Variants in RNASET2 observed in about 807,000 individuals in gnomAD.
RNASET2 encodes the protein ribonuclease 6.
Under a neutral mutation model 33.9 loss-of-function variants are expected in RNASET2, and 28 were observed. That is an observed-to-expected ratio of 0.83 (90% CI 0.61 to 1.13). The LOEUF is 1.13. RNASET2 is among the 50% of genes most tolerant of loss of function. The pLI is 0.00. For synonymous variants in RNASET2, 123 were observed against 121.0 expected, an observed-to-expected ratio of 1.02 and a Z score of -0.11; for missense variants, 330 against 319.9, an observed-to-expected ratio of 1.03 and a Z score of -0.24.
chr6:166,922,918 T>C lies in RNASET2; in HGVS notation c.*6670A>G, dbSNP rs1778254624. Among the ~76,000 whole-genome samples the C allele has an allele frequency of 6.6e-6, 1 of 152,194 alleles. No individual in the cohort carries two copies. Among genetic ancestry groups the C allele is most frequent in the African/African-American group, 2.4e-5 (1 of 41,436 alleles). On this transcript the variant is annotated 3_prime_UTR_variant, in exon 9 of 9. Coordinates refer to ENST00000508775, the MANE Select transcript of RNASET2 (RefSeq NM_003730.6). ...CTTTGCTGGTAAAAATGGGCCACTG[T>C]CACTCTGCAGACTTTTCTCAGTGTT...
At chr6:166,950,031 G>C (rs1469169007) in intron 2 of RNASET2, among the ~76,000 whole-genome samples, 1 of 152,166 alleles carries the variant, frequency 6.6e-6, no homozygotes, top group Non-Finnish European at 1.5e-5. Context: ...TTTAAATCTT[G>C]TTTCTAAAGC....
At chr6:166,952,697 C>T (rs1049786574) in intron 1 of RNASET2, 149 bp from the exon 2 acceptor site, 14 of 694,840 alleles carry the variant, frequency 2.0e-5, no homozygotes, top group African/African-American at 8.8e-5. Flanking sequence ...CACACACTCC[C>T]GTGAGGAAGG....
At chr6:166,943,513 A>G in intron 4 of RNASET2, 1 of 331,976 alleles carries the variant, frequency 3.0e-6, no homozygotes, top group Non-Finnish European at 5.8e-6. Context: ...AAGAGACAGG[A>G]ATGAGATTCG....
rs1463405837 is a variant in RNASET2, at chr6:166,928,071, C to CA, written c.*1516dup. Reference sequence around the variant, plus strand: ...CTCAGCTCCTCCATTACAGAAGAGACAAAATACAGGGACTGCTTCCATCAA... The same window carrying CA: ...CTCAGCTCCTCCATTACAGAAGAGACAAAAATACAGGGACTGCTTCCATCAA... On this transcript the variant is annotated 3_prime_UTR_variant, in exon 9 of 9. Coordinates refer to ENST00000508775, the MANE Select transcript of RNASET2 (RefSeq NM_003730.6). 2.6e-5 allele frequency among the ~76,000 whole-genome samples: 4 copies of CA among 152,324 alleles called. No homozygotes were observed. Among genetic ancestry groups the CA allele is most frequent in the Admixed American group, 6.5e-5 (1 of 15,298 alleles).
chr6:166,949,329 T>C (rs1392218428), intron 2 of RNASET2, among the ~76,000 whole-genome samples: 10 of 150,156 alleles, frequency 6.7e-5, no homozygotes, highest in South Asian at 6.3e-4. Context: ...TGTGAAACCC[T>C]GTCTCTACTA....
rs1778265964 is a variant in RNASET2, at chr6:166,923,661, C to T, written c.*5927G>A. ...TCAGAAAAAAAATGACATAAAACTG[C>T]ATTTCTCATCATCTGTCAGAGATTT... On this transcript the variant is annotated 3_prime_UTR_variant, in exon 9 of 9. Coordinates refer to ENST00000508775, the MANE Select transcript of RNASET2 (RefSeq NM_003730.6). Among the ~76,000 whole-genome samples the T allele has an allele frequency of 6.6e-6, 1 of 152,068 alleles. No individual in the cohort carries two copies. The highest frequency in any genetic ancestry group is 2.4e-5 in the African/African-American group (1 of 41,382).
intron 5 of RNASET2, among the ~76,000 whole-genome samples, chr6:166,941,657 G>A (rs1778696092): frequency 6.6e-6 from 1 of 151,956 alleles, no homozygotes; most frequent in Admixed American, 6.6e-5. Flanking sequence ...CCAGAAAGGG[G>A]GACATCACTT....
At chr6:166,946,092 G>A (rs1037277987) in intron 4 of RNASET2, among the ~76,000 whole-genome samples, 4 of 152,166 alleles carry the variant, frequency 2.6e-5, no homozygotes, top group Admixed American at 6.5e-5. Context: ...TGAAGACTCC[G>A]TATGACATAT....
In RNASET2 at chr6:166,948,643, C is replaced by T; in HGVS notation, c.148-18G>A. ...TGAATTTTCTAGGGAGAAAATATAA[C>T]AAGAAAATGATTGGCTCTTTGTTTA... On this transcript the variant is annotated intron_variant, in intron 2 of 8. Transcript: ENST00000508775. 1 of 1,224,246 alleles carries T rather than the reference C, an allele frequency of 8.2e-7. No homozygotes were observed. Among genetic ancestry groups the T allele is most frequent in the Non-Finnish European group, 1.2e-6 (1 of 860,800 alleles). The allele number at this position is 1,224,246 out of a possible 1,614,324, so 75.8% of individuals were successfully genotyped here.
At position 166,955,244 on chromosome 6, in the gene RNASET2, C is replaced by G. The variant is rs1054998685; in HGVS notation, c.86+853G>C. The stretch of plus-strand genomic sequence containing the variant: ...ACGCGCACACACGCACGCACGCACA[C>G]ACACGCACACACGCACACACACACA... On this transcript the variant is annotated intron_variant, in intron 1 of 8. Transcript: ENST00000508775. Among the ~76,000 whole-genome samples, 17 of 121,686 alleles carry G rather than the reference C, an allele frequency of 1.4e-4. No homozygotes were observed. The South Asian group carries it at 3.6e-3, about 26-fold the overall frequency. 79.8% of individuals were successfully genotyped at this position (121,686 alleles called of 152,430 possible).
At chr6:166,947,621 G>C (rs1290298786) in intron 3 of RNASET2, among the ~76,000 whole-genome samples, 1 of 152,204 alleles carries the variant, frequency 6.6e-6, no homozygotes, top group Non-Finnish European at 1.5e-5. Flanking sequence ...AGGAGCCCCA[G>C]AGACAGGAGG....
chr6:166,942,990 C>T (rs1448532499), intron 5 of RNASET2, 29 bp downstream of exon 5: 1 of 1,596,642 alleles, frequency 6.3e-7, no homozygotes, highest in Non-Finnish European at 8.6e-7. Flanking sequence ...AGACAGTAAT[C>T]AAGACAGCAA....
chr6:166,939,286 T>A (rs1778643277), intron 5 of RNASET2, among the ~76,000 whole-genome samples: 1 of 152,108 alleles, frequency 6.6e-6, no homozygotes, highest in African/African-American at 2.4e-5. Flanking sequence ...TGAGCCAAGA[T>A]CATGCCATTG....
chr6:166,955,273 G>GCA (rs1326300560), intron 1 of RNASET2, among the ~76,000 whole-genome samples: 1 of 84,728 alleles, frequency 1.2e-5, no homozygotes, highest in Admixed American at 1.3e-4. Context: ...ACACACACGC[G>GCA]CACACACGAC....
chr6:166,956,146 A>T lies in RNASET2; in HGVS notation c.37T>A (p.Cys13Ser). Residue 13 changes from cysteine to serine, a missense_variant, in exon 1 of 9, where the codon TGC (cysteine) becomes AGC (serine). By Grantham distance (112) the Cys-to-Ser change is moderately radical (BLOSUM62 -1). Coordinates refer to ENST00000508775, the MANE Select transcript of RNASET2 (RefSeq NM_003730.6). ...AGGCAAAGCAACGCCAGGCAGAGGC[A>T]GCCCAGCAGGGCCCCGCGCAGGGCT... ...PAALRGALLGCLCLALLCLGG... is the reference protein window; with the variant it reads ...PAALRGALLGSLCLALLCLGG... 1 of 1,551,124 alleles carries T rather than the reference A, an allele frequency of 6.4e-7. No homozygotes were observed. Among genetic ancestry groups the T allele is most frequent in the South Asian group, 1.2e-5 (1 of 84,068 alleles).
intron 5 of RNASET2, among the ~76,000 whole-genome samples, chr6:166,939,235 G>A (rs1165425821): frequency 1.3e-5 from 2 of 152,114 alleles, no homozygotes; most frequent in Non-Finnish European, 2.9e-5. Context: ...TCAGGAGGCT[G>A]AGGAGGAGAA....
chr6:166,956,351 T>A lies in RNASET2; in HGVS notation c.-169A>T. 1.6e-6 allele frequency: 1 copy of A among 639,880 alleles called. No homozygotes were observed. The highest frequency in any genetic ancestry group is 2.8e-6 in the Non-Finnish European group (1 of 363,622). 39.6% of individuals were successfully genotyped at this position (639,880 alleles called of 1,614,324 possible). A position where few individuals can be genotyped will look rare whatever the true frequency, so the allele number is the denominator to read the frequency against. ...GTGCGCCCGGAGCCCTGGGACGGCCTAAACCAGTATCTCGCGGGCCCCGCG... is the reference window on the plus strand; with the variant it reads ...GTGCGCCCGGAGCCCTGGGACGGCCAAAACCAGTATCTCGCGGGCCCCGCG... On this transcript the variant is annotated 5_prime_UTR_variant, in exon 1 of 9. Transcript: ENST00000508775.
Position 166,943,071 on chromosome 6 carries a change from T to C in RNASET2, c.280A>G (p.Arg94Gly). The change falls in exon 5 of 9, where the codon AGG becomes GGG. Residue 94 changes from arginine to glycine, a missense_variant. Transcript: ENST00000508775. ...TGAATTACGTCAGGCCAGTATGCCC[T>C]CATTTCTGGCAAAAGATCCTATGCA... ...EEIKDLLPEM[R>G]AYWPDVIHSF... is the part of the protein sequence containing the mutation. 1 of 1,613,318 alleles carries C rather than the reference T, an allele frequency of 6.2e-7. No homozygotes were observed. Among genetic ancestry groups the C allele is most frequent in the Non-Finnish European group, 8.5e-7 (1 of 1,179,506 alleles).
At position 166,922,144 on chromosome 6, in the gene RNASET2, T is replaced by C. The variant is rs1228700451; in HGVS notation, c.*7444A>G. On this transcript the variant is annotated 3_prime_UTR_variant, in exon 9 of 9. Coordinates refer to ENST00000508775, the MANE Select transcript of RNASET2 (RefSeq NM_003730.6). ...TTTAAAGACAGCTTCCACTTTTTATTGATAACTATAGGATCCTAACTGCTA... is the reference window on the plus strand; with the variant it reads ...TTTAAAGACAGCTTCCACTTTTTATCGATAACTATAGGATCCTAACTGCTA... Among the ~76,000 whole-genome samples, 1 of 152,226 alleles carries C rather than the reference T, an allele frequency of 6.6e-6. No homozygotes were observed. Among genetic ancestry groups the C allele is most frequent in the Non-Finnish European group, 1.5e-5 (1 of 68,034 alleles).
Sources: gnomAD v4.1 joint callset for allele counts (sites outside exome capture counted in the v4.1 genomes callset) on GRCh38, gnomAD v4.1.1 for gene constraint, MANE v1.5 for transcripts, NCBI Gene and HGNC (gene_info 2026-07-23, HGNC 2026-07-21) for gene names.